NCDN: variants seen among roughly 807,000 people sequenced by gnomAD.
The protein encoded by NCDN is norbin.
In NCDN, 9 loss-of-function variants were observed where a neutral mutation model predicts 60.7. The observed-to-expected ratio is 0.15, with a 90% CI of 0.09 to 0.26. The LOEUF (loss-of-function observed/expected upper bound fraction) is 0.26, where lower values mean the gene tolerates loss of function less well. Ranked by LOEUF, NCDN falls within the 10% of genes least tolerant of loss-of-function variation. The pLI is 1.00. For missense variants in NCDN, 578 were observed against 975.2 expected (o/e 0.59, Z 5.42); for synonymous variants, 409 against 442.5 (o/e 0.92, Z 0.95).
chr1:35,557,906 C>T lies in NCDN; in HGVS notation c.-285C>T, dbSNP rs930687911. 18 of 629,604 alleles carry T rather than the reference C, an allele frequency of 2.9e-5. No homozygotes were observed. The highest frequency in any genetic ancestry group is 2.3e-4 in the East Asian group (8 of 34,180). The allele number at this position is 629,604 out of a possible 1,614,324, so 39.0% of individuals were successfully genotyped here. On this transcript the variant is annotated 5_prime_UTR_variant, in exon 1 of 7. Transcript: ENST00000373243. ...CTGGTGAGCTCAGCCCCCTTCGGGC[C>T]CTCCCCTGCATCCCAGCCGGGGCCT...
chr1:35,565,455 C>T lies in NCDN; in HGVS notation c.1982C>T (p.Ser661Phe). ...LPWLAPAALR[S>F]RWPQELLQLL... ...TGGCTGGCCCCCGCTGCCCTGCGCT[C>T]CCGCTGGCCGCAGGAGCTGCTCCAG... The change falls in exon 7 of 7, where the codon TCC (serine) becomes TTC (phenylalanine). Residue 661 changes from serine to phenylalanine, a missense_variant. Physicochemically the swap from Ser to Phe is radical, Grantham distance 155 (BLOSUM62 -2). This residue lies in a region of NCDN where 191 missense variants were observed against 372.1 expected (regional missense o/e 0.51). Transcript: ENST00000373243. The surrounding 1 kb of genome is among the most constrained non-coding windows in gnomAD (Gnocchi z 8.9). 4 of 1,609,814 alleles carry T rather than the reference C, an allele frequency of 2.5e-6. No homozygotes were observed. Among genetic ancestry groups the T allele is most frequent in the Non-Finnish European group, 2.5e-6 (3 of 1,178,406 alleles).
chr1:35,558,639 CT>C lies in NCDN; in HGVS notation c.33+420del. On this transcript the variant is annotated intron_variant, in intron 1 of 6. Transcript: ENST00000373243. The surrounding 1 kb of genome is among the most constrained non-coding windows in gnomAD (Gnocchi z 6.3). ...GAGGGGAAAGGAAGCCTGGGGTGTC[CT>C]TTTCTCCCATGTCAGCCTGAGTCCG... 8.7e-7 allele frequency: 1 copy of C among 1,149,294 alleles called. No individual in the cohort carries two copies. Among genetic ancestry groups the C allele is most frequent in the East Asian group, 5.2e-5 (1 of 19,160 alleles). The allele number at this position is 1,149,294 out of a possible 1,614,324, so 71.2% of individuals were successfully genotyped here.
At position 35,560,320 on chromosome 1, in the gene NCDN, CT is replaced by C; in HGVS notation, c.175-5del. 2 of 1,612,116 alleles carry C rather than the reference CT, an allele frequency of 1.2e-6. No individual in the cohort carries two copies. Among genetic ancestry groups the C allele is most frequent in the Non-Finnish European group, 1.7e-6 (2 of 1,179,664 alleles). On this transcript the variant is annotated splice_polypyrimidine_tract_variant and splice_region_variant and intron_variant, in intron 2 of 6. Coordinates refer to ENST00000373243, the MANE Select transcript of NCDN (RefSeq NM_014284.3). The surrounding 1 kb of genome is among the most constrained non-coding windows in gnomAD (Gnocchi z 7.6). ...TCATCCTGATGATAGCACATACCCCCTATAGGTGACCAAGGCAGTCAAAGCA... is the reference window on the plus strand; with the variant it reads ...TCATCCTGATGATAGCACATACCCCCATAGGTGACCAAGGCAGTCAAAGCA...
chr1:35,564,174 A>G (rs1557427215), intron 6 of NCDN, among the ~76,000 whole-genome samples: 1 of 152,172 alleles, frequency 6.6e-6, no homozygotes, highest in African/African-American at 2.4e-5. Context: ...GGCACCTGGA[A>G]TCCCTGGCAG....
chr1:35,565,552 G>T lies in NCDN; in HGVS notation c.2079G>T (p.Glu693Asp). The T allele has an allele frequency of 6.4e-7, 1 of 1,565,828 alleles. No homozygotes were observed. Residue 693 changes from glutamate (E) to aspartate (D), a missense_variant, in exon 7 of 7, where the codon GAG (glutamate) becomes GAT (aspartate). Physicochemically the swap from Glu to Asp is conservative, Grantham distance 45. This residue lies in a region of NCDN where 191 missense variants were observed against 372.1 expected (regional missense o/e 0.51). Coordinates refer to ENST00000373243, the MANE Select transcript of NCDN (RefSeq NM_014284.3). The surrounding 1 kb of genome is among the most constrained non-coding windows in gnomAD (Gnocchi z 8.9). Reference protein sequence around the residue: ...MVAAYQGVLVELARANRLCRE... With the variant: ...MVAAYQGVLVDLARANRLCRE... ...CCGCCTATCAGGGTGTCCTGGTGGA[G>T]CTGGCGCGGGCCAACCGGCTGTGCC...
rs1425515248 is a variant in NCDN, at chr1:35,560,305, G to GAT, written c.175-19_175-18dup. On this transcript the variant is annotated intron_variant, in intron 2 of 6. Coordinates refer to ENST00000373243, the MANE Select transcript of NCDN (RefSeq NM_014284.3). The surrounding 1 kb of genome is among the most constrained non-coding windows in gnomAD (Gnocchi z 7.6). ...TCCCACTTCTTCCTTTCATCCTGAT[G>GAT]ATAGCACATACCCCCTATAGGTGAC... The GAT allele has an allele frequency of 1.2e-6, 2 of 1,604,652 alleles. No homozygotes were observed. The highest frequency in any genetic ancestry group is 1.7e-6 in the Non-Finnish European group (2 of 1,175,578).
Position 35,558,803 on chromosome 1 carries a change from C to T in NCDN, c.34-304C>T. ...ACAGCTGAGCAGTGGGGCCAGCTCC[C>T]GCCCACCCCCAGGAGACTGGTGAGG... On this transcript the variant is annotated intron_variant, in intron 1 of 6. Transcript: ENST00000373243. The surrounding 1 kb of genome is among the most constrained non-coding windows in gnomAD (Gnocchi z 6.3). The T allele has an allele frequency of 3.5e-6, 3 of 869,328 alleles. No homozygotes were observed. Among genetic ancestry groups the T allele is most frequent in the Non-Finnish European group, 4.6e-6 (3 of 645,202 alleles). 53.9% of individuals were successfully genotyped at this position (869,328 alleles called of 1,614,324 possible).
chr1:35,564,608 G>A (rs896967895), intron 6 of NCDN, among the ~76,000 whole-genome samples: 9 of 152,160 alleles, frequency 5.9e-5, no homozygotes, highest in South Asian at 2.1e-4. Flanking sequence ...GGGAAGGGGT[G>A]CACATCCCTG....
Position 35,557,974 on chromosome 1 carries a change from CTATCGCGACTCCATCGCGCCA to C in NCDN, c.-207_-187del. ...TCGATGCCGACACACCCCGGGGACC[CTATCGCGACTCCATCGCGCCA>C]TATCGCGACACCATCGTGCCCTGTC... is the stretch of plus-strand genomic sequence containing the variant. On this transcript the variant is annotated 5_prime_UTR_variant, in exon 1 of 7. Coordinates refer to ENST00000373243, the MANE Select transcript of NCDN (RefSeq NM_014284.3). 10 of 715,114 alleles carry C rather than the reference CTATCGCGACTCCATCGCGCCA, an allele frequency of 1.4e-5. No individual in the cohort carries two copies. Among genetic ancestry groups the C allele is most frequent in the Admixed American group, 2.7e-5 (1 of 37,178 alleles). The allele number at this position is 715,114 out of a possible 1,614,324, so 44.3% of individuals were successfully genotyped here.
chr1:35,560,821 G>A lies in NCDN; in HGVS notation c.670G>A (p.Gly224Ser). 1 of 1,614,012 alleles carries A rather than the reference G, an allele frequency of 6.2e-7. No homozygotes were observed. Among genetic ancestry groups the A allele is most frequent in the Non-Finnish European group, 8.5e-7 (1 of 1,180,002 alleles). ...AEPDLLAVLR[G>S]LSEDFQKAED... Reference sequence around the variant, plus strand: ...GCCCGACCTGCTGGCCGTGTTGCGGGGCCTCAGTGAGGATTTCCAGAAAGC... The same window carrying A: ...GCCCGACCTGCTGGCCGTGTTGCGGAGCCTCAGTGAGGATTTCCAGAAAGC... Residue 224 changes from glycine (G) to serine (S), a missense_variant, in exon 3 of 7, where the codon GGC becomes AGC. Transcript: ENST00000373243. This position sits in a 1 kb window ranked among gnomAD's most constrained non-coding sequence, Gnocchi z 7.6.
Position 35,563,770 on chromosome 1 carries a change from T to C in NCDN, c.1614T>C (p.Arg538=). The stretch of plus-strand genomic sequence containing the variant: ...CCTTCCCCCCTTTCTTTTCCAGGCG[T>C]GACGCCTGCTTCACATCTCTAATGA... ...LVVTAPGLIK[R]DACFTSLMNT... is the part of the protein sequence containing the mutation. The change falls in exon 6 of 7, where the codon CGT becomes CGC. Residue 538 remains arginine (R), a synonymous_variant. Transcript: ENST00000373243. This position sits in a 1 kb window ranked among gnomAD's most constrained non-coding sequence, Gnocchi z 6.6. 1 of 1,613,858 alleles carries C rather than the reference T, an allele frequency of 6.2e-7. No individual in the cohort carries two copies. The highest frequency in any genetic ancestry group is 1.1e-5 in the South Asian group (1 of 91,070).
rs200536942 is a variant in NCDN, at chr1:35,562,516, G to A, written c.1268G>A (p.Arg423His). 20 of 1,614,066 alleles carry A rather than the reference G, an allele frequency of 1.2e-5. No individual in the cohort carries two copies. Among genetic ancestry groups the A allele is most frequent in the East Asian group, 6.7e-5 (3 of 44,876 alleles). The change falls in exon 4 of 7, where the codon CGC becomes CAC. Residue 423 changes from arginine to histidine, a missense_variant. Arg to His is a conservative substitution (Grantham distance 29). Coordinates refer to ENST00000373243, the MANE Select transcript of NCDN (RefSeq NM_014284.3). This position sits in a 1 kb window ranked among gnomAD's most constrained non-coding sequence, Gnocchi z 6.8. ...TGCCAGCTGCTGCCCTTCCTCGTCC[G>A]CTATGCCAAGACCCTCTACGAGGAG... ...EVCQLLPFLVRYAKTLYEEAE... is the reference protein window; with the variant it reads ...EVCQLLPFLVHYAKTLYEEAE...
chr1:35,559,091 C>G lies in NCDN; in HGVS notation c.34-16C>G. 1 of 1,608,986 alleles carries G rather than the reference C, an allele frequency of 6.2e-7. No homozygotes were observed. The highest frequency in any genetic ancestry group is 8.5e-7 in the Non-Finnish European group (1 of 1,177,566). On this transcript the variant is annotated splice_polypyrimidine_tract_variant and intron_variant, in intron 1 of 6. Transcript: ENST00000373243. ...CTCCTCTGCAGAGGGATGCTCAGTCCCTCTTGTGTTCACAGTTGGGCAAGG... is the reference window on the plus strand; with the variant it reads ...CTCCTCTGCAGAGGGATGCTCAGTCGCTCTTGTGTTCACAGTTGGGCAAGG...
At position 35,558,421 on chromosome 1, in the gene NCDN, G is replaced by T. The variant is rs1043134386; in HGVS notation, c.33+198G>T. ...AGAGGGAGCGCAAGGGGTTAATTCT[G>T]CTGCTGCCGCCGCCGCTGCTGCTGC... On this transcript the variant is annotated intron_variant, in intron 1 of 6. Transcript: ENST00000373243. This position sits in a 1 kb window ranked among gnomAD's most constrained non-coding sequence, Gnocchi z 6.3. 2.2e-5 allele frequency: 32 copies of T among 1,441,966 alleles called. No individual in the cohort carries two copies. The highest frequency in any genetic ancestry group is 4.8e-4 in the Middle Eastern group (2 of 4,172). 89.3% of individuals were successfully genotyped at this position (1,441,966 alleles called of 1,614,324 possible). A position where few individuals can be genotyped will look rare whatever the true frequency, so the allele number is the denominator to read the frequency against.
rs904480015 is a variant in NCDN, at chr1:35,565,946, C to A, written c.*283C>A. The A allele has an allele frequency of 1.2e-5, 5 of 426,234 alleles. No individual in the cohort carries two copies. The highest frequency in any genetic ancestry group is 6.3e-4 in the Middle Eastern group (1 of 1,578). The allele number at this position is 426,234 out of a possible 1,614,324, so 26.4% of individuals were successfully genotyped here. On this transcript the variant is annotated 3_prime_UTR_variant, in exon 7 of 7. Coordinates refer to ENST00000373243, the MANE Select transcript of NCDN (RefSeq NM_014284.3). The surrounding 1 kb of genome is among the most constrained non-coding windows in gnomAD (Gnocchi z 8.9). ...TTGGAGCAGCCCCCAGGGAGGGGGG[C>A]ACTAGGTGTCATTGTGCCCGATGTC...
chr1:35,564,486 T>G (rs1018277033), intron 6 of NCDN, among the ~76,000 whole-genome samples: 6 of 152,294 alleles, frequency 3.9e-5, no homozygotes, highest in Admixed American at 2.0e-4. Context: ...CTGTGCCCCA[T>G]CTGTCAGGTT....
In NCDN at chr1:35,565,657, G is replaced by A; in HGVS notation, c.2184G>A (p.Glu728=). 1 of 1,549,174 alleles carries A rather than the reference G, an allele frequency of 6.5e-7. No individual in the cohort carries two copies. Among genetic ancestry groups the A allele is most frequent in the East Asian group, 2.4e-5 (1 of 42,252 alleles). ...RMAALEQCLS[E]P is the part of the protein sequence containing the mutation. ...CTGCCTTGGAGCAGTGCCTGTCAGA[G>A]CCCTGAGGGGTGTCCACCGGGGACA... Residue 728 remains glutamate, a synonymous_variant, in exon 7 of 7, where the codon GAG becomes GAA. Transcript: ENST00000373243. This position sits in a 1 kb window ranked among gnomAD's most constrained non-coding sequence, Gnocchi z 8.9.
chr1:35,563,729 C>G lies in NCDN; in HGVS notation c.1611-38C>G. ...AGGGCTTGATTTGGCTGTACTAGAC[C>G]CCCACCTACCTCCATCCTTCCCCCC... On this transcript the variant is annotated intron_variant, in intron 5 of 6. Coordinates refer to ENST00000373243, the MANE Select transcript of NCDN (RefSeq NM_014284.3). The surrounding 1 kb of genome is among the most constrained non-coding windows in gnomAD (Gnocchi z 6.6). 1 of 1,606,922 alleles carries G rather than the reference C, an allele frequency of 6.2e-7. No homozygotes were observed. Among genetic ancestry groups the G allele is most frequent in the South Asian group, 1.1e-5 (1 of 90,062 alleles).
Position 35,558,685 on chromosome 1 carries a change from T to C in NCDN, c.34-422T>C, listed in dbSNP as rs565465253. The C allele has an allele frequency of 1.4e-4, 164 of 1,134,888 alleles. No homozygotes were observed. Among genetic ancestry groups the C allele is most frequent in the Middle Eastern group, 3.8e-4 (1 of 2,636 alleles). 70.3% of individuals were successfully genotyped at this position (1,134,888 alleles called of 1,614,324 possible). The stretch of plus-strand genomic sequence containing the variant: ...AGTCCGGATAATCGAACTTCACCCA[T>C]GTATGTCTCCATTTCTCCCTGTCTG... On this transcript the variant is annotated intron_variant, in intron 1 of 6. Coordinates refer to ENST00000373243, the MANE Select transcript of NCDN (RefSeq NM_014284.3). The surrounding 1 kb of genome is among the most constrained non-coding windows in gnomAD (Gnocchi z 6.3).
Sources: allele counts gnomAD v4.1 joint callset (sites outside exome capture counted in the v4.1 genomes callset), GRCh38; gene constraint gnomAD v4.1.1; regional missense constraint gnomAD v4.1.1; non-coding constraint Gnocchi (gnomAD v3.1); transcripts MANE v1.5; gene names NCBI Gene and HGNC (gene_info 2026-07-23, HGNC 2026-07-21).